Variants in ZNF367 observed in about 807,000 individuals in gnomAD.
ZNF367 encodes the protein zinc finger protein 367.
In ZNF367, 11 loss-of-function variants were observed where a neutral mutation model predicts 31.8. The ratio of observed to expected loss-of-function variants is 0.35; its 90% confidence interval spans 0.22 to 0.57. The LOEUF (loss-of-function observed/expected upper bound fraction) is 0.57. Ranked by LOEUF, ZNF367 falls within the 20% of genes least tolerant of loss-of-function variation. ZNF367 has a pLI of 0.85. For missense variants in ZNF367, 353 were observed against 484.1 expected (o/e 0.73, Z 2.54); for synonymous variants, 199 against 202.4 (o/e 0.98, Z 0.14).
intron 1 of ZNF367, among the ~76,000 whole-genome samples, chr9:96,412,697 CTTTTT>C (rs71368258): frequency 2.2e-5 from 3 of 133,800 alleles, no homozygotes; most frequent in Non-Finnish European, 4.8e-5. Flanking sequence ...TTTTTCTTTT[CTTTTT>C]TTTTTTTTTT....
Position 96,388,545 on chromosome 9 carries a change from A to G in ZNF367, c.831-86T>C, listed in dbSNP as rs1182368100. 2.5e-6 allele frequency: 3 copies of G among 1,183,762 alleles called. No homozygotes were observed. The African/African-American group carries it at 4.6e-5, about 18-fold the overall frequency. 73.3% of individuals were successfully genotyped at this position (1,183,762 alleles called of 1,614,324 possible). On this transcript the variant is annotated intron_variant, in intron 4 of 4. Coordinates refer to ENST00000375256, the MANE Select transcript of ZNF367 (RefSeq NM_153695.4). ...TTCTTTTAAAAAGTTCCATACCACA[A>G]TATTACTTTTATGTGGTTCAGTTTA... is the stretch of plus-strand genomic sequence containing the variant.
At chr9:96,407,509 C>T (rs1365335865) in intron 1 of ZNF367, 1 of 1,280,522 alleles carries the variant, frequency 7.8e-7, no homozygotes, top group Non-Finnish European at 1.1e-6. Flanking sequence ...AAACACCAAA[C>T]AAAAGAATGA....
chr9:96,411,492 G>A (rs1564144924), intron 1 of ZNF367, among the ~76,000 whole-genome samples: 1 of 152,120 alleles, frequency 6.6e-6, no homozygotes, highest in Non-Finnish European at 1.5e-5. Flanking sequence ...GAGAGTGGGA[G>A]TTCAAGGCTG....
In ZNF367 at chr9:96,417,440, C is replaced by CT. The variant is rs1831846691; in HGVS notation, c.420+172_420+173insA. Among the ~76,000 whole-genome samples the CT allele has an allele frequency of 7.6e-6, 1 of 131,072 alleles. No homozygotes were observed. Among genetic ancestry groups the CT allele is most frequent in the Non-Finnish European group, 1.6e-5 (1 of 64,174 alleles). 86.0% of individuals were successfully genotyped at this position (131,072 alleles called of 152,430 possible). A position where few individuals can be genotyped will look rare whatever the true frequency, so the allele number is the denominator to read the frequency against. On this transcript the variant is annotated intron_variant, in intron 1 of 4. Transcript: ENST00000375256. This position sits in a 1 kb window ranked among gnomAD's most constrained non-coding sequence, Gnocchi z 5.0. ...GCTCCCGCCTGTCACGTGACAGGCCCCCCCCGACTGGGGCCGGTTTTTGGC... is the reference window on the plus strand; with the variant it reads ...GCTCCCGCCTGTCACGTGACAGGCCCTCCCCCGACTGGGGCCGGTTTTTGGC...
At chr9:96,408,386 A>G (rs138101949) in intron 1 of ZNF367, among the ~76,000 whole-genome samples, 2 of 152,346 alleles carry the variant, frequency 1.3e-5, no homozygotes, top group African/African-American at 4.8e-5. Context: ...ATAGTGCTAT[A>G]TACAGTTTAG....
In ZNF367 at chr9:96,410,543, CAGAG is replaced by C. The variant is rs1212574435; in HGVS notation, c.420+7066_420+7069del. Among the ~76,000 whole-genome samples the C allele has an allele frequency of 9.8e-5, 11 of 112,652 alleles. No individual in the cohort carries two copies. In the Admixed American group the frequency reaches 1.1e-3, roughly 11 times the overall value. 73.9% of individuals were successfully genotyped at this position (112,652 alleles called of 152,430 possible). On this transcript the variant is annotated intron_variant, in intron 1 of 4. Coordinates refer to ENST00000375256, the MANE Select transcript of ZNF367 (RefSeq NM_153695.4). The stretch of plus-strand genomic sequence containing the variant: ...CACCATTGCACTCCAGCCTGGGCAA[CAGAG>C]AGAGACTCCGTCTCAAAAAAAAAAA...
intron 1 of ZNF367, among the ~76,000 whole-genome samples, chr9:96,400,552 CA>C (rs1236136690): frequency 3.4e-5 from 5 of 146,354 alleles, no homozygotes; most frequent in Admixed American, 1.4e-4. Flanking sequence ...CTAAAACAAA[CA>C]AAAAAAAAAC....
chr9:96,392,348 C>G, intron 4 of ZNF367, 50 bp downstream of exon 4: 4 of 1,613,078 alleles, frequency 2.5e-6, no homozygotes, highest in Non-Finnish European at 3.4e-6. Flanking sequence ...TGACATAGCC[C>G]CAGCCCGCGC....
chr9:96,390,633 C>G (rs925834032), intron 4 of ZNF367, among the ~76,000 whole-genome samples: 6 of 151,958 alleles, frequency 3.9e-5, no homozygotes, highest in Admixed American at 3.3e-4. Flanking sequence ...CCTGTAATCC[C>G]AACAGTTTGG....
chr9:96,403,125 A>G (rs1347903799), intron 1 of ZNF367, among the ~76,000 whole-genome samples: 1 of 152,044 alleles, frequency 6.6e-6, no homozygotes, highest in Non-Finnish European at 1.5e-5. Flanking sequence ...GTGTGCCACC[A>G]TACCCAGATA....
intron 1 of ZNF367, among the ~76,000 whole-genome samples, chr9:96,404,592 C>T (rs1831648755): frequency 1.3e-5 from 2 of 150,702 alleles, no homozygotes; most frequent in African/African-American, 2.4e-5. Context: ...GCCAAGATCA[C>T]GCCACTGCAC....
chr9:96,417,709 G>A lies in ZNF367; in HGVS notation c.324C>T (p.Gly108=). 8.4e-7 allele frequency: 1 copy of A among 1,197,428 alleles called. No homozygotes were observed. Among genetic ancestry groups the A allele is most frequent in the East Asian group, 3.3e-5 (1 of 30,244 alleles). The allele number at this position is 1,197,428 out of a possible 1,614,324, so 74.2% of individuals were successfully genotyped here. ...AGGCGGCGGGCGGGGGCGCGCCCCG[G>A]CCACGAAGCCCCGAGTGCTCGGCGG... ...AAAAEHSGLR[G]RGAPPPAASA... Residue 108 remains glycine, a synonymous_variant, in exon 1 of 5, where the codon GGC becomes GGT. Coordinates refer to ENST00000375256, the MANE Select transcript of ZNF367 (RefSeq NM_153695.4). This position sits in a 1 kb window ranked among gnomAD's most constrained non-coding sequence, Gnocchi z 5.0.
At position 96,417,885 on chromosome 9, in the gene ZNF367, G is replaced by A; in HGVS notation, c.148C>T (p.Pro50Ser). ...IKPTCGGGGE[P>S]EPPPPLIPTS... Reference sequence around the variant, plus strand: ...GGGATGAGCGGCGGCGGCGGCTCCGGCTCCCCTCCACCGCCGCACGTTGGC... The same window carrying A: ...GGGATGAGCGGCGGCGGCGGCTCCGACTCCCCTCCACCGCCGCACGTTGGC... The change falls in exon 1 of 5, where the codon CCG becomes TCG. Residue 50 changes from proline (P) to serine (S), a missense_variant. This residue lies in a region of ZNF367 where 94 missense variants were observed against 86.7 expected (regional missense o/e 1.08). Transcript: ENST00000375256. The surrounding 1 kb of genome is among the most constrained non-coding windows in gnomAD (Gnocchi z 5.0). 1 of 1,516,800 alleles carries A rather than the reference G, an allele frequency of 6.6e-7. No individual in the cohort carries two copies. The highest frequency in any genetic ancestry group is 2.2e-5 in the Admixed American group (1 of 45,988). The allele number at this position is 1,516,800 out of a possible 1,614,324, so 94.0% of individuals were successfully genotyped here.
rs1466292571 is a variant in ZNF367 at position 96,387,552 on chromosome 9, G to C, written c.*685C>G. 6.6e-6 allele frequency: 1 copy of C among 152,166 alleles called. No individual in the cohort carries two copies. The highest frequency in any genetic ancestry group is 2.4e-5 in the African/African-American group (1 of 41,442). The allele number at this position is 152,166 out of a possible 1,614,324, so 9.4% of individuals were successfully genotyped here. Reference sequence around the variant, plus strand: ...AGTTAACATGCTAGGGATGACAAGTGCTTTTCAAACTTAAACATTATACTG... The same window carrying C: ...AGTTAACATGCTAGGGATGACAAGTCCTTTTCAAACTTAAACATTATACTG... On this transcript the variant is annotated 3_prime_UTR_variant, in exon 5 of 5. Transcript: ENST00000375256.
At chr9:96,400,988 G>A (rs1831596316) in intron 1 of ZNF367, among the ~76,000 whole-genome samples, 1 of 152,030 alleles carries the variant, frequency 6.6e-6, no homozygotes, top group Non-Finnish European at 1.5e-5. Flanking sequence ...CACTTTGGGA[G>A]GCCAAGGCAG....
At chr9:96,404,006 C>A (rs967308327) in intron 1 of ZNF367, among the ~76,000 whole-genome samples, 3 of 150,842 alleles carry the variant, frequency 2.0e-5, no homozygotes, top group Admixed American at 6.6e-5. Flanking sequence ...TCAGCCTGGG[C>A]AACCTGGTGA....
chr9:96,413,856 A>C (rs7866098), intron 1 of ZNF367, among the ~76,000 whole-genome samples: 146,142 of 152,242 alleles, frequency 0.96, 70,197 homozygotes, highest in East Asian at 1. Context: ...CCCCTGGGAG[A>C]AGTGGCAAAG....
At chr9:96,409,792 C>T (rs372597013) in intron 1 of ZNF367, among the ~76,000 whole-genome samples, 7 of 152,176 alleles carry the variant, frequency 4.6e-5, no homozygotes, top group African/African-American at 1.7e-4. Flanking sequence ...AGGAGCTACA[C>T]AGGAGTGAAA....
intron 1 of ZNF367, among the ~76,000 whole-genome samples, chr9:96,414,920 G>A (rs573441679): frequency 6.6e-6 from 1 of 152,062 alleles, no homozygotes; most frequent in Non-Finnish European, 1.5e-5. Flanking sequence ...AAACCATAAA[G>A]GCAAAATCTT....
Sources: allele counts gnomAD v4.1 joint callset (sites outside exome capture counted in the v4.1 genomes callset), GRCh38; gene constraint gnomAD v4.1.1; regional missense constraint gnomAD v4.1.1; non-coding constraint Gnocchi (gnomAD v3.1); transcripts MANE v1.5; gene names NCBI Gene and HGNC (gene_info 2026-07-23, HGNC 2026-07-21).